Variants in PLD1 observed in about 807,000 individuals in gnomAD.
PLD1 encodes the protein choline phosphatase 1.
In PLD1, 112 loss-of-function variants were observed where a neutral mutation model predicts 137.1. That is an observed-to-expected ratio of 0.82 (90% CI 0.70 to 0.96). PLD1 has a LOEUF of 0.96. Among genes scored for constraint, PLD1 ranks in the 40% least tolerant of loss-of-function variants. The pLI is 0.00. For missense variants in PLD1, 1,321 were observed against 1,342.0 expected (o/e 0.98, Z 0.24); for synonymous variants, 431 against 454.7 (o/e 0.95, Z 0.66).
chr3:171,653,216 T>G (rs953513261), intron 21 of PLD1: 1 of 152,208 alleles, frequency 6.6e-6, no homozygotes, highest in Non-Finnish European at 1.5e-5. Context: ...GGTATAGCAC[T>G]GATTATGTGG....
chr3:171,748,683 G>A (rs749867379), intron 1 of PLD1, among the ~76,000 whole-genome samples: 34 of 151,894 alleles, frequency 2.2e-4, no homozygotes, highest in Admixed American at 2.6e-4. Context: ...GTTTGTTGAG[G>A]CAGTACAGTA....
At chr3:171,684,483 T>A (rs1308410950) in intron 16 of PLD1, among the ~76,000 whole-genome samples, 2 of 152,160 alleles carry the variant, frequency 1.3e-5, no homozygotes, top group Admixed American at 1.3e-4. Flanking sequence ...TGCACAGGAA[T>A]TACTGGGAGT....
intron 21 of PLD1, chr3:171,653,345 A>G (rs1187073095): frequency 6.6e-6 from 1 of 152,254 alleles, no homozygotes; most frequent in East Asian, 1.9e-4. Flanking sequence ...AATTAAAACA[A>G]TACTAAACTA....
At chr3:171,624,206 T>C (rs752391441) in intron 23 of PLD1, among the ~76,000 whole-genome samples, 3 of 151,956 alleles carry the variant, frequency 2.0e-5, no homozygotes, top group Non-Finnish European at 4.4e-5. Flanking sequence ...AAAATCTTAA[T>C]AGAAAAATGG....
chr3:171,631,943 A>G (rs1015427147), intron 23 of PLD1, among the ~76,000 whole-genome samples: 1 of 152,226 alleles, frequency 6.6e-6, no homozygotes, highest in African/African-American at 2.4e-5. Context: ...TGCTAAAACC[A>G]GGAGGTCAAT....
At chr3:171,741,775 A>T (rs1386660677) in intron 1 of PLD1, among the ~76,000 whole-genome samples, 1 of 152,214 alleles carries the variant, frequency 6.6e-6, no homozygotes, top group Non-Finnish European at 1.5e-5. Flanking sequence ...GAAATCAGAT[A>T]ATTTTCTATT....
At chr3:171,742,011 C>A (rs560357238) in intron 1 of PLD1, among the ~76,000 whole-genome samples, 11,709 of 152,164 alleles carry the variant, frequency 0.077, 623 homozygotes, top group Middle Eastern at 0.17. Context: ...TTAATCTTCA[C>A]AATAACTTTA....
At chr3:171,719,357 C>G (rs570515397) in intron 8 of PLD1, among the ~76,000 whole-genome samples, 3 of 152,170 alleles carry the variant, frequency 2.0e-5, no homozygotes, top group African/African-American at 4.8e-5. Flanking sequence ...TACAGTACAG[C>G]GTAAGGTCCC....
chr3:171,710,426 C>T (rs763561998), intron 9 of PLD1, among the ~76,000 whole-genome samples: 1 of 152,116 alleles, frequency 6.6e-6, no homozygotes, highest in African/African-American at 2.4e-5. Flanking sequence ...CGAGATGAAA[C>T]CGTTCCACCT....
chr3:171,675,874 G>A (rs190815599), intron 18 of PLD1, among the ~76,000 whole-genome samples: 233 of 142,936 alleles, frequency 1.6e-3, no homozygotes, highest in African/African-American at 5.5e-3. Flanking sequence ...ACAGAGTCTC[G>A]CTCTGTTGCC....
At chr3:171,764,921 A>AAAGAAAGAAAGGAAGG (rs1560289070) in intron 1 of PLD1, among the ~76,000 whole-genome samples, 2 of 29,450 alleles carry the variant, frequency 6.8e-5, no homozygotes, top group Non-Finnish European at 7.4e-5. Context: ...GGAAAGAAAG[A>AAAGAAAGAAAGGAAGG]AAGGAAAGAA....
At position 171,700,367 on chromosome 3, in the gene PLD1, CGCTCTCTCTCCCTCCCTCTCTTTT is replaced by C. The variant is rs1307160757; in HGVS notation, c.1146-565_1146-542del. On this transcript the variant is annotated intron_variant, in intron 11 of 26. Coordinates refer to ENST00000351298, the MANE Select transcript of PLD1 (RefSeq NM_002662.5). ...TCTCTCTCTCCCTCTCCCTCTCTTTCGCTCTCTCTCCCTCCCTCTCTTTTGCTCTCTCTCCCTCTCTCTCAGAGA... is the reference window on the plus strand; with the variant it reads ...TCTCTCTCTCCCTCTCCCTCTCTTTCGCTCTCTCTCCCTCTCTCTCAGAGA... Among the ~76,000 whole-genome samples the C allele has an allele frequency of 4.0e-5, 6 of 151,738 alleles. No homozygotes were observed. In the East Asian group the frequency reaches 9.7e-4, roughly 24 times the overall value.
rs1732782352 is a variant in PLD1 at position 171,612,887 on chromosome 3, G to A, written c.2729-455C>T. 6.6e-6 allele frequency among the ~76,000 whole-genome samples: 1 copy of A among 152,194 alleles called. No homozygotes were observed. Among genetic ancestry groups the A allele is most frequent in the African/African-American group, 2.4e-5 (1 of 41,450 alleles). On this transcript the variant is annotated intron_variant, in intron 24 of 26. Coordinates refer to ENST00000351298, the MANE Select transcript of PLD1 (RefSeq NM_002662.5). The surrounding 1 kb of genome is among the most constrained non-coding windows in gnomAD (Gnocchi z 4.1). ...AAGAAAATGCTAAGTAGAAAAAAGAGCCAGGCATGGTGGCTCATGTCTGTA... is the reference window on the plus strand; with the variant it reads ...AAGAAAATGCTAAGTAGAAAAAAGAACCAGGCATGGTGGCTCATGTCTGTA...
chr3:171,604,696 C>T (rs1040071204), intron 26 of PLD1, among the ~76,000 whole-genome samples: 3 of 152,172 alleles, frequency 2.0e-5, no homozygotes, highest in South Asian at 2.1e-4. Flanking sequence ...CAAATGGAGC[C>T]GGTTTTAAAA....
chr3:171,808,815 A>ATTTTTTTTTTTTTTTTT lies in PLD1; in HGVS notation c.-32+1567_-32+1583dup, dbSNP rs60146546. ...TTTTTCCTCAAAGCCTTAGCATTCAATTTTTTTTTTTTTTTTTTTTTTTTT... is the reference window on the plus strand; with the variant it reads ...TTTTTCCTCAAAGCCTTAGCATTCAATTTTTTTTTTTTTTTTTTTTTTTTTTTTTTTTTTTTTTTTTT... On this transcript the variant is annotated intron_variant, in intron 1 of 26. Coordinates refer to ENST00000351298, the MANE Select transcript of PLD1 (RefSeq NM_002662.5). Among the ~76,000 whole-genome samples the ATTTTTTTTTTTTTTTTT allele has an allele frequency of 3.8e-3, 326 of 86,218 alleles. 18 individuals are homozygous for ATTTTTTTTTTTTTTTTT. Among genetic ancestry groups the ATTTTTTTTTTTTTTTTT allele is most frequent in the African/African-American group, 4.1e-3 (85 of 20,666 alleles). The allele number at this position is 86,218 out of a possible 152,430, so 56.6% of individuals were successfully genotyped here.
intron 16 of PLD1, among the ~76,000 whole-genome samples, chr3:171,684,702 T>C (rs1714371433): frequency 6.6e-6 from 1 of 152,134 alleles, no homozygotes; most frequent in Non-Finnish European, 1.5e-5. Flanking sequence ...CTCCAGCAAT[T>C]CTCCCACCTC....
At chr3:171,714,080 A>C (rs377554476) in intron 8 of PLD1, 35 bp from the exon 9 acceptor site, 6 of 1,362,976 alleles carry the variant, frequency 4.4e-6, no homozygotes, top group Non-Finnish European at 6.3e-6. Flanking sequence ...TAAAAGTTGC[A>C]TTGAGTAAAT....
At position 171,654,213 on chromosome 3, in the gene PLD1, G is replaced by T. The variant is rs1317688343; in HGVS notation, c.2429+5000C>A. 20 of 307,554 alleles carry T rather than the reference G, an allele frequency of 6.5e-5. 1 individual carries two copies. The Admixed American group carries it at 8.3e-4, about 13-fold the overall frequency. 19.1% of individuals were successfully genotyped at this position (307,554 alleles called of 1,614,324 possible). ...AGATACTCGGGAGGCTGAGGCAGGA[G>T]AATTGCTTGAACCCGGGAGATGGAG... On this transcript the variant is annotated intron_variant, in intron 21 of 26. Transcript: ENST00000351298.
chr3:171,697,637 G>A (rs115218977), intron 12 of PLD1, among the ~76,000 whole-genome samples: 5,131 of 152,106 alleles, frequency 0.034, 311 homozygotes, highest in African/African-American at 0.12. Context: ...CCACCCTACC[G>A]TGCCTGACAA....
Sources: allele counts gnomAD v4.1 joint callset (sites outside exome capture counted in the v4.1 genomes callset), GRCh38; gene constraint gnomAD v4.1.1; non-coding constraint Gnocchi (gnomAD v3.1); transcripts MANE v1.5; gene names NCBI Gene and HGNC (gene_info 2026-07-23, HGNC 2026-07-21).